The following CADM4 variants were observed in gnomAD, a reference collection of about 807,000 sequenced individuals.
The protein encoded by CADM4 is TSLC1-like 2.
CADM4 carries 13 observed loss-of-function variants against 43.9 expected under a neutral mutation model. That is an observed-to-expected ratio of 0.30 (90% CI 0.19 to 0.47). The LOEUF is 0.47. Ranked by LOEUF, CADM4 falls within the 20% of genes least tolerant of loss-of-function variation. CADM4 has a pLI of 1.00. For synonymous variants in CADM4, 209 were observed against 220.9 expected (o/e 0.95, Z 0.48); for missense variants, 420 against 527.0 (o/e 0.80, Z 1.99).
In CADM4 at chr19:43,625,946, C is replaced by T; in HGVS notation, c.720G>A (p.Thr240=). 1.9e-6 allele frequency: 3 copies of T among 1,614,156 alleles called. No homozygotes were observed. Among genetic ancestry groups the T allele is most frequent in the East Asian group, 2.2e-5 (1 of 44,882 alleles). The stretch of plus-strand genomic sequence containing the variant: ...CCGTGACAGCACACGTCAACACCAG[C>T]GTGTCTCCCTCCCTCACCACAGCTT... ...ASQAVVREGD[T]LVLTCAVTGN... The change falls in exon 6 of 9, where the codon ACG becomes ACA. Residue 240 remains threonine (T), a synonymous_variant. Coordinates refer to ENST00000222374, the MANE Select transcript of CADM4 (RefSeq NM_145296.2). This position sits in a 1 kb window ranked among gnomAD's most constrained non-coding sequence, Gnocchi z 4.5.
At chr19:43,636,814 C>G (rs1043767941) in intron 1 of CADM4, among the ~76,000 whole-genome samples, 9 of 152,180 alleles carry the variant, frequency 5.9e-5, no homozygotes, top group Admixed American at 5.9e-4. Context: ...TGATAGAAAC[C>G]TCCAAAACCT....
intron 1 of CADM4, among the ~76,000 whole-genome samples, chr19:43,639,521 G>C (rs1227199755): frequency 1.3e-5 from 2 of 150,826 alleles, no homozygotes; most frequent in South Asian, 2.1e-4. Context: ...CGGGTGGGGG[G>C]GCTGCGGCAC....
rs763762415 is a variant in CADM4 at position 43,626,235 on chromosome 19, G to A, written c.553C>T (p.Arg185Trp). 3.1e-6 allele frequency: 5 copies of A among 1,613,282 alleles called. No individual in the cohort carries two copies. The highest frequency in any genetic ancestry group is 1.1e-5 in the South Asian group (1 of 91,084). The change falls in exon 5 of 9, where the codon CGG becomes TGG. Residue 185 changes from arginine to tryptophan, a missense_variant. Arg to Trp is a moderately radical substitution (Grantham distance 101). Coordinates refer to ENST00000222374, the MANE Select transcript of CADM4 (RefSeq NM_145296.2). The surrounding 1 kb of genome is among the most constrained non-coding windows in gnomAD (Gnocchi z 5.9). ...TCGTCCTTACGGTCCACACGAAACCGTACTGTGCTTGCCACGCTCCAGACC... is the reference window on the plus strand; with the variant it reads ...TCGTCCTTACGGTCCACACGAAACCATACTGTGCTTGCCACGCTCCAGACC... ...GKVWSVASTV[R>W]FRVDRKDDGG...
Position 43,625,977 on chromosome 19 carries a change from G to T in CADM4, c.689C>A (p.Ala230Asp). ...VQYSPTARIH[A>D]SQAVVREGDT... ...TCCCTCCCTCACCACAGCTTGGGAG[G>T]CATGAATCCGGGCCGTGGGGGAGTC... is the stretch of plus-strand genomic sequence containing the variant. The change falls in exon 6 of 9, where the codon GCC becomes GAC. Residue 230 changes from alanine (A) to aspartate (D), a missense_variant. Coordinates refer to ENST00000222374, the MANE Select transcript of CADM4 (RefSeq NM_145296.2). This position sits in a 1 kb window ranked among gnomAD's most constrained non-coding sequence, Gnocchi z 4.5. The T allele has an allele frequency of 1.9e-6, 3 of 1,614,168 alleles. No homozygotes were observed. Among genetic ancestry groups the T allele is most frequent in the Non-Finnish European group, 2.5e-6 (3 of 1,180,018 alleles).
In CADM4 at chr19:43,626,815, C is replaced by T; in HGVS notation, c.468G>A (p.Leu156=). Residue 156 remains leucine (L), a synonymous_variant, in exon 4 of 9, where the codon CTG becomes CTA. Coordinates refer to ENST00000222374, the MANE Select transcript of CADM4 (RefSeq NM_145296.2). This position sits in a 1 kb window ranked among gnomAD's most constrained non-coding sequence, Gnocchi z 5.9. Reference sequence around the variant, plus strand: ...GCTCCTTGCGGTCCCGGTACCAGCGCAGGGTGGCAGCCGGACGGGACCGCG... The same window carrying T: ...GCTCCTTGCGGTCCCGGTACCAGCGTAGGGTGGCAGCCGGACGGGACCGCG... The part of the protein sequence containing the change: ...LVPRSRPAAT[L]RWYRDRKELK... 1 of 1,609,358 alleles carries T rather than the reference C, an allele frequency of 6.2e-7. No homozygotes were observed. The highest frequency in any genetic ancestry group is 8.5e-7 in the Non-Finnish European group (1 of 1,177,308).
Position 43,626,812 on chromosome 19 carries a change from G to C in CADM4, c.471C>G (p.Arg157=). 6.2e-7 allele frequency: 1 copy of C among 1,609,218 alleles called. No homozygotes were observed. The highest frequency in any genetic ancestry group is 8.5e-7 in the Non-Finnish European group (1 of 1,177,162). ...TCAGCTCCTTGCGGTCCCGGTACCA[G>C]CGCAGGGTGGCAGCCGGACGGGACC... ...VPRSRPAATL[R]WYRDRKELKG... is the part of the protein sequence containing the mutation. The change falls in exon 4 of 9, where the codon CGC becomes CGG. Residue 157 remains arginine (R), a synonymous_variant. Transcript: ENST00000222374. The surrounding 1 kb of genome is among the most constrained non-coding windows in gnomAD (Gnocchi z 5.9).
intron 1 of CADM4, among the ~76,000 whole-genome samples, chr19:43,635,507 T>G (rs959132763): frequency 2.1e-5 from 3 of 140,186 alleles, no homozygotes; most frequent in Non-Finnish European, 4.6e-5. Flanking sequence ...GACCCAGGAG[T>G]CTGTATCCTC....
At chr19:43,633,520 A>G (rs951018396) in intron 1 of CADM4, among the ~76,000 whole-genome samples, 2 of 152,342 alleles carry the variant, frequency 1.3e-5, no homozygotes, top group African/African-American at 2.4e-5. Flanking sequence ...ATATAATCCA[A>G]TGGGTTTACT....
chr19:43,626,866 G>A lies in CADM4; in HGVS notation c.417C>T (p.Gly139=), dbSNP rs1973536778. 1.2e-6 allele frequency: 2 copies of A among 1,609,608 alleles called. No homozygotes were observed. Among genetic ancestry groups the A allele is most frequent in the Admixed American group, 1.7e-5 (1 of 59,848 alleles). The change falls in exon 4 of 9, where the codon GGC becomes GGT. Residue 139 remains glycine, a synonymous_variant. Transcript: ENST00000222374. The surrounding 1 kb of genome is among the most constrained non-coding windows in gnomAD (Gnocchi z 5.9). Reference sequence around the variant, plus strand: ...GAACGAGGCAGCTGAGCTCCACCTCGCCGCCCTCTACCGCCTGCTCCCGGA... The same window carrying A: ...GAACGAGGCAGCTGAGCTCCACCTCACCGCCCTCTACCGCCTGCTCCCGGA... ...VEVREQAVEG[G]EVELSCLVPR...
chr19:43,635,356 C>G (rs1482174083), intron 1 of CADM4, among the ~76,000 whole-genome samples: 1 of 151,946 alleles, frequency 6.6e-6, no homozygotes, highest in Non-Finnish European at 1.5e-5. Context: ...TCCGAACATC[C>G]TCGCACAAAG....
chr19:43,626,177 T>G lies in CADM4; in HGVS notation c.611A>C (p.Gln204Pro). The G allele has an allele frequency of 6.2e-7, 1 of 1,613,988 alleles. No individual in the cohort carries two copies. Among genetic ancestry groups the G allele is most frequent in the Non-Finnish European group, 8.5e-7 (1 of 1,179,976 alleles). ...CTTGCTGTGTCCGGAGGGCAGCGCCTGGTTCTGCGCCTCACAGATGATGAT... is the reference window on the plus strand; with the variant it reads ...CTTGCTGTGTCCGGAGGGCAGCGCCGGGTTCTGCGCCTCACAGATGATGAT... Reference protein sequence around the residue: ...GGIIICEAQNQALPSGHSKQT... With the variant: ...GGIIICEAQNPALPSGHSKQT... Residue 204 changes from glutamine (Q) to proline (P), a missense_variant, in exon 5 of 9, where the codon CAG (glutamine) becomes CCG (proline). Physicochemically the swap from Gln to Pro is moderately conservative, Grantham distance 76. Transcript: ENST00000222374. This position sits in a 1 kb window ranked among gnomAD's most constrained non-coding sequence, Gnocchi z 5.9.
intron 1 of CADM4, among the ~76,000 whole-genome samples, chr19:43,628,927 A>G (rs1973575013): frequency 1.3e-5 from 2 of 152,210 alleles, no homozygotes; most frequent in Admixed American, 1.3e-4. Flanking sequence ...TGAGACCAAT[A>G]AAAGATCTGC....
At position 43,624,832 on chromosome 19, in the gene CADM4, T is replaced by C. The variant is rs1600094507; in HGVS notation, c.928+246A>G. On this transcript the variant is annotated intron_variant, in intron 7 of 8. Transcript: ENST00000222374. ...AGTTCACATAATCTTCACAACAGCC[T>C]TGTTATATAGGTGCTATTGTTTATT... The C allele has an allele frequency of 9.3e-6, 5 of 536,704 alleles. No individual in the cohort carries two copies. In the East Asian group the frequency reaches 1.6e-4, roughly 17 times the overall value. 33.2% of individuals were successfully genotyped at this position (536,704 alleles called of 1,614,324 possible).
chr19:43,630,698 C>A (rs1322582224), intron 1 of CADM4, among the ~76,000 whole-genome samples: 1 of 152,082 alleles, frequency 6.6e-6, no homozygotes, highest in African/African-American at 2.4e-5. Flanking sequence ...GATTCTGTAT[C>A]CTGAATCTGT....
chr19:43,625,030 CACCTGGCG>C lies in CADM4; in HGVS notation c.928+40_928+47del. Reference sequence around the variant, plus strand: ...CTCTTTGCTCAAGCCCCGCCCCCGCCACCTGGCGCCCCGCCCCCGCCCTCAGTCGGCCG... The same window carrying C: ...CTCTTTGCTCAAGCCCCGCCCCCGCCCCCCGCCCCCGCCCTCAGTCGGCCG... On this transcript the variant is annotated intron_variant, in intron 7 of 8. Coordinates refer to ENST00000222374, the MANE Select transcript of CADM4 (RefSeq NM_145296.2). The surrounding 1 kb of genome is among the most constrained non-coding windows in gnomAD (Gnocchi z 4.5). 8.1e-7 allele frequency: 1 copy of C among 1,238,552 alleles called. No homozygotes were observed. Among genetic ancestry groups the C allele is most frequent in the Non-Finnish European group, 1.1e-6 (1 of 912,316 alleles). The allele number at this position is 1,238,552 out of a possible 1,614,324, so 76.7% of individuals were successfully genotyped here. A position where few individuals can be genotyped will look rare whatever the true frequency, so the allele number is the denominator to read the frequency against.
chr19:43,633,072 A>C (rs1973650227), intron 1 of CADM4, among the ~76,000 whole-genome samples: 2 of 121,666 alleles, frequency 1.6e-5, no homozygotes, highest in South Asian at 5.6e-4. Context: ...ACTCTGTCTC[A>C]AAAAAAAAAA....
intron 1 of CADM4, among the ~76,000 whole-genome samples, chr19:43,636,528 C>T (rs902250896): frequency 3.3e-5 from 5 of 152,248 alleles, no homozygotes; most frequent in South Asian, 2.1e-4. Flanking sequence ...TCTGCACAGG[C>T]GGAAATCAGT....
chr19:43,634,639 G>A (rs748658735), intron 1 of CADM4, among the ~76,000 whole-genome samples: 2 of 152,126 alleles, frequency 1.3e-5, no homozygotes, highest in Non-Finnish European at 2.9e-5. Flanking sequence ...TGGTCAGAGA[G>A]GGGCTGAGCT....
chr19:43,624,284 G>A, intron 7 of CADM4, 42 bp from the exon 8 acceptor site: 3 of 1,613,678 alleles, frequency 1.9e-6, no homozygotes, highest in Non-Finnish European at 2.5e-6. Flanking sequence ...ATCAGAGGAC[G>A]ATCCCAGTCT....
Sources: allele counts gnomAD v4.1 joint callset (sites outside exome capture counted in the v4.1 genomes callset), GRCh38; gene constraint gnomAD v4.1.1; non-coding constraint Gnocchi (gnomAD v3.1); transcripts MANE v1.5; gene names NCBI Gene and HGNC (gene_info 2026-07-23, HGNC 2026-07-21).